The following GRID2 variants were observed in gnomAD, a reference collection of about 807,000 sequenced individuals.
GRID2 encodes the protein glutamate receptor ionotropic, delta-2.
Under a neutral mutation model 114.8 loss-of-function variants are expected in GRID2, and 33 were observed. That is an observed-to-expected ratio of 0.29 (90% CI 0.22 to 0.38). The LOEUF is 0.38. Among genes scored for constraint, GRID2 ranks in the 10% least tolerant of loss-of-function variants. The pLI, the probability that GRID2 is intolerant of heterozygous loss-of-function variation, is 1.00. For missense variants in GRID2, 1,184 were observed against 1,257.7 expected (o/e 0.94, Z 0.89); for synonymous variants, 505 against 449.9 (o/e 1.12, Z -1.55).
chr4:92,584,677 A>G (rs1728341156), intron 1 of GRID2, among the ~76,000 whole-genome samples: 1 of 152,008 alleles, frequency 6.6e-6, no homozygotes, highest in Non-Finnish European at 1.5e-5. Context: ...TCATCATTAT[A>G]GTACTATTTA....
chr4:93,322,023 TA>T (rs1247211257), intron 8 of GRID2, among the ~76,000 whole-genome samples: 2 of 149,710 alleles, frequency 1.3e-5, no homozygotes, highest in Admixed American at 1.3e-4. Context: ...TTTTCTGGGA[TA>T]TTTTTTCTTA....
rs149641706 is a variant in GRID2 at position 92,437,806 on chromosome 4, G to A, written c.88+133062G>A. Among the ~76,000 whole-genome samples the A allele has an allele frequency of 9.8e-4, 149 of 152,160 alleles. 1 individual carries two copies. Among genetic ancestry groups the A allele is most frequent in the African/African-American group, 3.3e-3 (139 of 41,504 alleles). ...AGGCTCCAATAAATTGGATTGCTTCGGCTCAAGGTAAACCACCACTTTAAG... is the reference window on the plus strand; with the variant it reads ...AGGCTCCAATAAATTGGATTGCTTCAGCTCAAGGTAAACCACCACTTTAAG... On this transcript the variant is annotated intron_variant, in intron 1 of 15. Coordinates refer to ENST00000282020, the MANE Select transcript of GRID2 (RefSeq NM_001510.4).
chr4:93,402,616 C>T (rs1240481436), intron 9 of GRID2, among the ~76,000 whole-genome samples: 1 of 151,958 alleles, frequency 6.6e-6, no homozygotes, highest in African/African-American at 2.4e-5. Flanking sequence ...ACTGTTACCT[C>T]AATTTGAAAA....
intron 5 of GRID2, among the ~76,000 whole-genome samples, chr4:93,211,638 C>CT (rs1743489159): frequency 6.6e-6 from 1 of 152,002 alleles, no homozygotes; most frequent in African/African-American, 2.4e-5. Flanking sequence ...TCATTGAAAC[C>CT]GTTATCTCTT....
intron 8 of GRID2, among the ~76,000 whole-genome samples, chr4:93,299,427 C>CG (rs59896790): frequency 7.5e-4 from 113 of 149,870 alleles, no homozygotes; most frequent in African/African-American, 1.9e-3. Context: ...CTGTTTGAAA[C>CG]GGGGAAAAAA....
At chr4:92,613,531 A>G (rs1459192579) in intron 2 of GRID2, among the ~76,000 whole-genome samples, 1 of 151,492 alleles carries the variant, frequency 6.6e-6, no homozygotes, top group Non-Finnish European at 1.5e-5. Context: ...AGTTAGCAGT[A>G]TGTTCTGAAG....
chr4:93,038,496 AAGTC>A (rs1475768036), intron 2 of GRID2, among the ~76,000 whole-genome samples: 7 of 152,142 alleles, frequency 4.6e-5, no homozygotes, highest in African/African-American at 7.2e-5. Flanking sequence ...GATTATTAAA[AAGTC>A]AGGAAACAGG....
In GRID2 at chr4:93,286,697, GT is replaced by G. The variant is rs1391725197; in HGVS notation, c.1245+48208del. Among the ~76,000 whole-genome samples the G allele has an allele frequency of 4.0e-3, 513 of 128,574 alleles. 4 individuals are homozygous for G. The highest frequency in any genetic ancestry group is 0.017 in the African/African-American group (445 of 26,876). The allele number at this position is 128,574 out of a possible 152,430, so 84.3% of individuals were successfully genotyped here. A position where few individuals can be genotyped will look rare whatever the true frequency, so the allele number is the denominator to read the frequency against. ...TGTGTATGTGTGTGTGTGTGGGGGT[GT>G]GTGTGTGTGTGTGTGTGTGTGTATG... On this transcript the variant is annotated intron_variant, in intron 8 of 15. Coordinates refer to ENST00000282020, the MANE Select transcript of GRID2 (RefSeq NM_001510.4).
chr4:92,813,596 A>G (rs1335635312), intron 2 of GRID2, among the ~76,000 whole-genome samples: 2 of 152,088 alleles, frequency 1.3e-5, no homozygotes, highest in Non-Finnish European at 2.9e-5. Flanking sequence ...TTTTGAATAC[A>G]TATTTATATC....
chr4:92,649,943 A>C (rs902206086), intron 2 of GRID2, among the ~76,000 whole-genome samples: 1 of 152,010 alleles, frequency 6.6e-6, no homozygotes, highest in Non-Finnish European at 1.5e-5. Context: ...AATACGTTCA[A>C]CTTACAAAGG....
At chr4:92,975,766 A>C (rs1578653522) in intron 2 of GRID2, among the ~76,000 whole-genome samples, 1 of 152,246 alleles carries the variant, frequency 6.6e-6, no homozygotes. Context: ...GTTACAAATT[A>C]TTATCAACAA....
At chr4:93,726,302 C>T (rs562832432) in intron 14 of GRID2, among the ~76,000 whole-genome samples, 58 of 151,452 alleles carry the variant, frequency 3.8e-4, no homozygotes, top group African/African-American at 1.1e-3. Context: ...TGTAGATATG[C>T]GGCATTATTT....
At chr4:92,935,192 G>C (rs1750564976) in intron 2 of GRID2, among the ~76,000 whole-genome samples, 1 of 144,230 alleles carries the variant, frequency 6.9e-6, no homozygotes, top group African/African-American at 2.5e-5. Context: ...AAATTTACAA[G>C]AAAAAAACAA....
intron 1 of GRID2, among the ~76,000 whole-genome samples, chr4:92,501,350 G>C (rs1723675751): frequency 6.6e-6 from 1 of 152,136 alleles, no homozygotes; most frequent in Non-Finnish European, 1.5e-5. Flanking sequence ...AACACTTAAA[G>C]TATGTTCTAG....
rs556035480 is a variant in GRID2 at position 92,360,491 on chromosome 4, TA to T, written c.88+55756del. Among the ~76,000 whole-genome samples the T allele has an allele frequency of 5.4e-3, 820 of 151,048 alleles. 2 individuals are homozygous for T. The highest frequency in any genetic ancestry group is 0.014 in the Middle Eastern group (4 of 292). ...ATGCCAGATTCTAGACATAGAATAA[TA>T]AAAAAAAATGCGGTTCTTTTCCTAA... On this transcript the variant is annotated intron_variant, in intron 1 of 15. Transcript: ENST00000282020.
intron 2 of GRID2, among the ~76,000 whole-genome samples, chr4:92,713,476 CATATATAT>C (rs10593127): frequency 0.064 from 3,458 of 53,994 alleles, 90 homozygotes; most frequent in Non-Finnish European, 0.079. Context: ...TATACATATA[CATATATAT>C]ATATATATAT....
rs191622797 is a variant in GRID2, at chr4:92,668,362, C to T, written c.244+78076C>T. Among the ~76,000 whole-genome samples, 221 of 151,614 alleles carry T rather than the reference C, an allele frequency of 1.5e-3. 1 individual carries two copies. The highest frequency in any genetic ancestry group is 5.2e-3 in the African/African-American group (217 of 41,404). Reference sequence around the variant, plus strand: ...TATAGAAGTTAGAAATGTAAAAGACCTATGAGGTTATTTAAGCTACTATAC... The same window carrying T: ...TATAGAAGTTAGAAATGTAAAAGACTTATGAGGTTATTTAAGCTACTATAC... On this transcript the variant is annotated intron_variant, in intron 2 of 15. Coordinates refer to ENST00000282020, the MANE Select transcript of GRID2 (RefSeq NM_001510.4).
At chr4:93,406,771 T>C (rs1312272350) in intron 9 of GRID2, among the ~76,000 whole-genome samples, 1 of 152,168 alleles carries the variant, frequency 6.6e-6, no homozygotes, top group Non-Finnish European at 1.5e-5. Flanking sequence ...TTTCTGTGTT[T>C]TACATATTTC....
chr4:92,650,701 G>C (rs552069910), intron 2 of GRID2, among the ~76,000 whole-genome samples: 7 of 151,880 alleles, frequency 4.6e-5, no homozygotes, highest in Non-Finnish European at 7.4e-5. Flanking sequence ...GGCCAGCAGA[G>C]TATAAAGTTA....
Sources: allele counts gnomAD v4.1 joint callset (sites outside exome capture counted in the v4.1 genomes callset), GRCh38; gene constraint gnomAD v4.1.1; transcripts MANE v1.5; gene names NCBI Gene and HGNC (gene_info 2026-07-23, HGNC 2026-07-21).